ZNF831: variants seen among roughly 807,000 people sequenced by gnomAD.
ZNF831 encodes zinc finger protein 831.
Under a neutral mutation model 95.8 loss-of-function variants are expected in ZNF831, and 59 were observed. The ratio of observed to expected loss-of-function variants is 0.62; its 90% CI spans 0.50 to 0.77. The LOEUF (loss-of-function observed/expected upper bound fraction) is 0.77. Among genes scored for constraint, ZNF831 ranks in the 30% least tolerant of loss-of-function variants. The pLI is 0.00. For missense variants in ZNF831, 2,205 were observed against 2,164.0 expected (o/e 1.02, Z -0.38); for synonymous variants, 961 against 925.5 (o/e 1.04, Z -0.70).
In ZNF831 at chr20:59,214,113, A is replaced by G. The variant is rs142762909; in HGVS notation, c.4027+7057A>G. 2.1e-3 allele frequency among the ~76,000 whole-genome samples: 325 copies of G among 152,342 alleles called. 1 individual carries two copies. The highest frequency in any genetic ancestry group is 5.5e-3 in the African/African-American group (227 of 41,580). Reference sequence around the variant, plus strand: ...TGCGTGAGGACTGCTGAGATGAAAGAAGGAAAGAAAAAAGGCCATCCATCC... The same window carrying G: ...TGCGTGAGGACTGCTGAGATGAAAGGAGGAAAGAAAAAAGGCCATCCATCC... On this transcript the variant is annotated intron_variant, in intron 4 of 5. Coordinates refer to ENST00000371030, the MANE Select transcript of ZNF831 (RefSeq NM_178457.3).
intron 1 of ZNF831, among the ~76,000 whole-genome samples, chr20:59,140,599 C>T (rs111962821): frequency 0.022 from 3,419 of 152,266 alleles, 120 homozygotes; most frequent in African/African-American, 0.076. Flanking sequence ...ACCCAGTTTC[C>T]TCCAATGCTA....
At chr20:59,225,891 T>C (rs1022541909) in intron 4 of ZNF831, among the ~76,000 whole-genome samples, 1 of 152,182 alleles carries the variant, frequency 6.6e-6, no homozygotes, top group Non-Finnish European at 1.5e-5. Flanking sequence ...GCTCATGTGA[T>C]GAAAGAGCCC....
chr20:59,221,858 C>T lies in ZNF831; in HGVS notation c.4027+14802C>T, dbSNP rs530406291. 4.6e-5 allele frequency among the ~76,000 whole-genome samples: 7 copies of T among 152,330 alleles called. No homozygotes were observed. The South Asian group carries it at 1.4e-3, about 32-fold the overall frequency. On this transcript the variant is annotated intron_variant, in intron 4 of 5. Transcript: ENST00000371030. Reference sequence around the variant, plus strand: ...TAGGAGGCACCTGGCGTGCCGGGAACGGACAAAAGCCATTTTTCTAAGTAC... The same window carrying T: ...TAGGAGGCACCTGGCGTGCCGGGAATGGACAAAAGCCATTTTTCTAAGTAC...
At chr20:59,150,193 C>G (rs1980145766) in intron 2 of ZNF831, among the ~76,000 whole-genome samples, 1 of 152,216 alleles carries the variant, frequency 6.6e-6, no homozygotes, top group Non-Finnish European at 1.5e-5. Flanking sequence ...CCTTCCCTCC[C>G]TCTCTCCTCT....
chr20:59,203,036 GATA>G (rs960246945), intron 3 of ZNF831, among the ~76,000 whole-genome samples: 2 of 152,090 alleles, frequency 1.3e-5, no homozygotes, highest in Admixed American at 6.6e-5. Context: ...TTTTAACCTT[GATA>G]ATGATGGTTT....
intron 1 of ZNF831, among the ~76,000 whole-genome samples, chr20:59,188,204 C>G (rs748305615): frequency 6.6e-6 from 1 of 152,202 alleles, no homozygotes; most frequent in Non-Finnish European, 1.5e-5. Flanking sequence ...ACATGTTTAA[C>G]TTTTTGAGGA....
chr20:59,204,690 G>A (rs529606469), intron 3 of ZNF831, among the ~76,000 whole-genome samples: 1 of 152,192 alleles, frequency 6.6e-6, no homozygotes, highest in Non-Finnish European at 1.5e-5. Flanking sequence ...CCTGACAAAG[G>A]TGGCAAGGGG....
chr20:59,152,624 A>T (rs1303430302), intron 2 of ZNF831, among the ~76,000 whole-genome samples: 2 of 152,166 alleles, frequency 1.3e-5, no homozygotes, highest in African/African-American at 4.8e-5. Context: ...TGCAGCTGTG[A>T]TGAACTCTGG....
At position 59,194,131 on chromosome 20, in the gene ZNF831, A is replaced by G. The variant is rs1024525112; in HGVS notation, c.3112A>G (p.Arg1038Gly). The G allele has an allele frequency of 1.9e-6, 3 of 1,563,428 alleles. No homozygotes were observed. Among genetic ancestry groups the G allele is most frequent in the Non-Finnish European group, 2.6e-6 (3 of 1,154,052 alleles). The change falls in exon 2 of 6, where the codon AGG (arginine) becomes GGG (glycine). Residue 1038 changes from arginine to glycine, a missense_variant. Physicochemically the swap from Arg to Gly is moderately radical, Grantham distance 125. Transcript: ENST00000371030. ...DRMATSRPAARELPISAPGAP... is the reference protein window; with the variant it reads ...DRMATSRPAAGELPISAPGAP... ...GATGGCCACTAGCAGGCCAGCAGCCAGGGAGTTGCCCATCTCAGCACCAGG... is the reference window on the plus strand; with the variant it reads ...GATGGCCACTAGCAGGCCAGCAGCCGGGGAGTTGCCCATCTCAGCACCAGG...
At chr20:59,144,297 G>T (rs1191318328) in intron 1 of ZNF831, among the ~76,000 whole-genome samples, 1 of 152,118 alleles carries the variant, frequency 6.6e-6, no homozygotes, top group Non-Finnish European at 1.5e-5. Flanking sequence ...TCTCACAGGT[G>T]TCGTCTCAGT....
Position 59,254,196 on chromosome 20 carries a change from C to A in ZNF831, c.4487C>A (p.Ser1496Tyr). 1 of 1,614,112 alleles carries A rather than the reference C, an allele frequency of 6.2e-7. No individual in the cohort carries two copies. Among genetic ancestry groups the A allele is most frequent in the Non-Finnish European group, 8.5e-7 (1 of 1,180,006 alleles). Residue 1496 changes from serine to tyrosine, a missense_variant, in exon 6 of 6, where the codon TCT (serine) becomes TAT (tyrosine). Coordinates refer to ENST00000371030, the MANE Select transcript of ZNF831 (RefSeq NM_178457.3). This position sits in a 1 kb window ranked among gnomAD's most constrained non-coding sequence, Gnocchi z 4.5. ...IATSVAAVCI[S>Y]LPVRTDHIAQ... Reference sequence around the variant, plus strand: ...ACCTCTGTGGCTGCCGTTTGTATTTCTCTGCCAGTGAGAACAGATCACATA... The same window carrying A: ...ACCTCTGTGGCTGCCGTTTGTATTTATCTGCCAGTGAGAACAGATCACATA...
intron 4 of ZNF831, among the ~76,000 whole-genome samples, chr20:59,230,959 G>A (rs1366280820): frequency 2.0e-5 from 3 of 152,222 alleles, no homozygotes; most frequent in South Asian, 4.1e-4. Context: ...TGGAGGCCAG[G>A]TTTCTTCTGT....
rs759811753 is a variant in ZNF831, at chr20:59,191,247, G to A, written c.228G>A (p.Pro76=). 5 of 1,547,812 alleles carry A rather than the reference G, an allele frequency of 3.2e-6. No homozygotes were observed. The highest frequency in any genetic ancestry group is 2.7e-5 in the African/African-American group (2 of 73,120). ...VPPGGLQPRA[P]LVTGSLDGGN... ...CCGGGGGCCTCCAGCCCCGCGCCCC[G>A]CTAGTGACGGGCAGCCTAGATGGGG... The change falls in exon 2 of 6, where the codon CCG becomes CCA. Residue 76 remains proline, a synonymous_variant. Transcript: ENST00000371030.
chr20:59,203,206 A>G (rs977944778), intron 3 of ZNF831, among the ~76,000 whole-genome samples: 1 of 152,240 alleles, frequency 6.6e-6, no homozygotes, highest in Admixed American at 6.5e-5. Flanking sequence ...GAATTCATAT[A>G]TATAGAAGGA....
At chr20:59,223,270 CAGG>C (rs976748512) in intron 4 of ZNF831, among the ~76,000 whole-genome samples, 16 of 152,120 alleles carry the variant, frequency 1.1e-4, no homozygotes, top group African/African-American at 3.9e-4. Flanking sequence ...AAGCAGAATC[CAGG>C]ATTCTGCCGC....
chr20:59,217,141 A>G lies in ZNF831; in HGVS notation c.4027+10085A>G, dbSNP rs79136011. ...AAAATGACAGTTTGGAGTCTGGAGTACATCTGACAGATCTTCATCTCTGTG... is the reference window on the plus strand; with the variant it reads ...AAAATGACAGTTTGGAGTCTGGAGTGCATCTGACAGATCTTCATCTCTGTG... On this transcript the variant is annotated intron_variant, in intron 4 of 5. Coordinates refer to ENST00000371030, the MANE Select transcript of ZNF831 (RefSeq NM_178457.3). The surrounding 1 kb of genome is among the most constrained non-coding windows in gnomAD (Gnocchi z 4.4). Among the ~76,000 whole-genome samples, 3,341 of 150,088 alleles carry G rather than the reference A, an allele frequency of 0.022. 113 individuals are homozygous for G. The highest frequency in any genetic ancestry group is 0.072 in the African/African-American group (2,879 of 39,956).
chr20:59,222,426 G>A (rs1049506082), intron 4 of ZNF831, among the ~76,000 whole-genome samples: 4 of 151,992 alleles, frequency 2.6e-5, no homozygotes, highest in Non-Finnish European at 5.9e-5. Context: ...GGCCCCCTCC[G>A]CCCCCGCCGG....
In ZNF831 at chr20:59,155,124, T is replaced by A. The variant is rs540754416; in HGVS notation, c.-1280-4528T>A. ...CAGTTTCCCTGACACCTGGGAGGGA[T>A]AATGTCTTCCTCTTTCATAGCTTTT... On this transcript the variant is annotated intron_variant, in intron 2 of 7. Transcript: ENST00000637017. 2.2e-4 allele frequency among the ~76,000 whole-genome samples: 34 copies of A among 152,320 alleles called. No individual in the cohort carries two copies. In the South Asian group the frequency reaches 4.8e-3, roughly 21 times the overall value.
At chr20:59,197,500 G>A (rs1001359951) in intron 3 of ZNF831, among the ~76,000 whole-genome samples, 1 of 152,156 alleles carries the variant, frequency 6.6e-6, no homozygotes, top group Non-Finnish European at 1.5e-5. Context: ...GCCTGTCCTG[G>A]GCACGCTAGC....
Sources: gnomAD v4.1 joint callset for allele counts (sites outside exome capture counted in the v4.1 genomes callset) on GRCh38, gnomAD v4.1.1 for gene constraint, Gnocchi (gnomAD v3.1) non-coding constraint, MANE v1.5 for transcripts, NCBI Gene and HGNC (gene_info 2026-07-23, HGNC 2026-07-21) for gene names.